Variants in RFX2 observed in about 807,000 individuals in gnomAD.
RFX2 encodes the protein regulatory factor X2, also known as DNA-binding protein RFX2.
A neutral mutation model predicts 87.8 loss-of-function variants in RFX2; 20 were observed. The ratio of observed to expected loss-of-function variants is 0.23; its 90% CI spans 0.16 to 0.33. The LOEUF is 0.33. Ranked by LOEUF, RFX2 falls within the 10% of genes least tolerant of loss-of-function variation. RFX2 has a pLI of 1.00. For missense variants in RFX2, 767 were observed against 1,012.3 expected, an observed-to-expected ratio of 0.76 and a Z score of 3.29; for synonymous variants, 397 against 431.3, an observed-to-expected ratio of 0.92 and a Z score of 0.98.
At chr19:6,096,811 A>T (rs931565309) in intron 1 of RFX2, among the ~76,000 whole-genome samples, 1 of 151,646 alleles carries the variant, frequency 6.6e-6, no homozygotes, top group African/African-American at 2.4e-5. Context: ...AATTCAACGC[A>T]CTCCTGGTAT....
At chr19:6,006,544 G>C (rs2086584561) in intron 12 of RFX2, among the ~76,000 whole-genome samples, 1 of 150,742 alleles carries the variant, frequency 6.6e-6, no homozygotes, top group Non-Finnish European at 1.5e-5. Context: ...CTTCCTCCTG[G>C]GTTAAAGCTA....
chr19:6,089,525 A>G (rs1195161490), intron 1 of RFX2, among the ~76,000 whole-genome samples: 4 of 152,086 alleles, frequency 2.6e-5, no homozygotes, highest in African/African-American at 9.7e-5. Context: ...GGCCTTTGGG[A>G]GATGATTAGG....
chr19:6,019,544 G>GTGTGTATA (rs386388444), intron 6 of RFX2, among the ~76,000 whole-genome samples: 105 of 143,172 alleles, frequency 7.3e-4, no homozygotes, highest in African/African-American at 2.8e-3. Flanking sequence ...GTGTGTGTGT[G>GTGTGTATA]TATATACTTT....
chr19:6,069,896 G>C (rs543895519), intron 1 of RFX2, among the ~76,000 whole-genome samples: 76 of 152,234 alleles, frequency 5.0e-4, no homozygotes, highest in African/African-American at 1.8e-3. Context: ...GCGGGTTTCT[G>C]AAAATGAAAG....
chr19:6,073,673 T>A, intron 1 of RFX2: 2 of 247,108 alleles, frequency 8.1e-6, no homozygotes, highest in Non-Finnish European at 1.6e-5. Flanking sequence ...GAAGGCTGAA[T>A]GGATGAAAGC....
At position 5,998,781 on chromosome 19, in the gene RFX2, T is replaced by C. The variant is rs2086452225; in HGVS notation, c.1860-1568A>G. Among the ~76,000 whole-genome samples the C allele has an allele frequency of 6.6e-6, 1 of 152,174 alleles. No individual in the cohort carries two copies. Among genetic ancestry groups the C allele is most frequent in the Non-Finnish European group, 1.5e-5 (1 of 68,020 alleles). On this transcript the variant is annotated intron_variant, in intron 15 of 17. Coordinates refer to ENST00000303657, the MANE Select transcript of RFX2 (RefSeq NM_000635.4). The surrounding 1 kb of genome is among the most constrained non-coding windows in gnomAD (Gnocchi z 4.2). ...ACCCCGGTATCTCTGGGTTCCCAAA[T>C]GGGCTCGCAGCTCCCAGAGAGTAGG...
intron 3 of RFX2, 42 bp from the exon 4 acceptor site, chr19:6,042,165 C>G (rs560208974): frequency 1.3e-6 from 2 of 1,549,036 alleles, no homozygotes; most frequent in East Asian, 2.2e-5. Flanking sequence ...GTCACGCCCT[C>G]GTGAGTTGCC....
At chr19:6,008,969 C>T (rs1056059160) in intron 9 of RFX2, among the ~76,000 whole-genome samples, 5 of 152,140 alleles carry the variant, frequency 3.3e-5, no homozygotes, top group African/African-American at 1.2e-4. Flanking sequence ...CGTGAGCCAC[C>T]GTGCCCAGTA....
chr19:6,013,939 A>G lies in RFX2; in HGVS notation c.780-834T>C, dbSNP rs2086692106. ...GAGCTCCACATGGCTTATCTCCATTATTATTACCATTATTATTAACAACTC... is the reference window on the plus strand; with the variant it reads ...GAGCTCCACATGGCTTATCTCCATTGTTATTACCATTATTATTAACAACTC... On this transcript the variant is annotated intron_variant, in intron 7 of 17. Coordinates refer to ENST00000303657, the MANE Select transcript of RFX2 (RefSeq NM_000635.4). This position sits in a 1 kb window ranked among gnomAD's most constrained non-coding sequence, Gnocchi z 4.1. Among the ~76,000 whole-genome samples the G allele has an allele frequency of 6.6e-6, 1 of 152,160 alleles. No homozygotes were observed. The highest frequency in any genetic ancestry group is 2.4e-5 in the African/African-American group (1 of 41,422).
chr19:6,045,677 T>C lies in RFX2; in HGVS notation c.91-1395A>G, dbSNP rs1296442848. 1.3e-5 allele frequency among the ~76,000 whole-genome samples: 2 copies of C among 152,156 alleles called. No individual in the cohort carries two copies. The highest frequency in any genetic ancestry group is 1.3e-4 in the Admixed American group (2 of 15,278). ...AATTGTGTTTTTTTGTTTTTGTTTT[T>C]TTGTGTTTTTTGGGACGGATTTTTG... is the stretch of plus-strand genomic sequence containing the variant. On this transcript the variant is annotated intron_variant, in intron 2 of 17. Transcript: ENST00000303657. The surrounding 1 kb of genome is among the most constrained non-coding windows in gnomAD (Gnocchi z 5.2).
intron 3 of RFX2, among the ~76,000 whole-genome samples, chr19:6,043,854 C>T (rs1326725677): frequency 6.6e-6 from 1 of 152,246 alleles, no homozygotes; most frequent in African/African-American, 2.4e-5. Flanking sequence ...ATGGCACTCA[C>T]TAGCAGATGG....
intron 3 of RFX2, among the ~76,000 whole-genome samples, chr19:6,042,906 T>G (rs1568521581): frequency 6.6e-6 from 1 of 152,262 alleles, no homozygotes; most frequent in East Asian, 1.9e-4. Flanking sequence ...TCCACTGAAT[T>G]TTGGGGTGAG....
rs112168916 is a variant in RFX2, at chr19:6,074,621, C to A, written c.-8-27117G>T. ...GGCTGACCCCTCAGGGAGAGACAGA[C>A]GACACCATGGACACAGAACAGCAGG... On this transcript the variant is annotated intron_variant, in intron 1 of 17. Transcript: ENST00000303657. The surrounding 1 kb of genome is among the most constrained non-coding windows in gnomAD (Gnocchi z 5.2). Among the ~76,000 whole-genome samples the A allele has an allele frequency of 1.3e-5, 2 of 152,198 alleles. No homozygotes were observed. Among genetic ancestry groups the A allele is most frequent in the Non-Finnish European group, 2.9e-5 (2 of 68,036 alleles).
rs144159968 is a variant in RFX2, at chr19:6,069,384, C to T, written c.-8-21880G>A. 8.8e-4 allele frequency among the ~76,000 whole-genome samples: 133 copies of T among 151,668 alleles called. 1 individual carries two copies. The highest frequency in any genetic ancestry group is 3.1e-3 in the African/African-American group (126 of 41,286). On this transcript the variant is annotated intron_variant, in intron 1 of 17. Coordinates refer to ENST00000303657, the MANE Select transcript of RFX2 (RefSeq NM_000635.4). ...GTGTATAGAGAACATGGGATGGGGC[C>T]ATCAGTGTATAGATGACATGGCTGG...
chr19:6,000,011 T>A (rs1456607803), intron 15 of RFX2, among the ~76,000 whole-genome samples: 1 of 150,304 alleles, frequency 6.7e-6, no homozygotes, highest in Non-Finnish European at 1.5e-5. Flanking sequence ...TGAGATGGAG[T>A]TTGGCTCCTG....
rs1309952252 is a variant in RFX2 at position 6,040,495 on chromosome 19, C to T, written c.261-254G>A. Among the ~76,000 whole-genome samples, 1 of 152,222 alleles carries T rather than the reference C, an allele frequency of 6.6e-6. No individual in the cohort carries two copies. Among genetic ancestry groups the T allele is most frequent in the Non-Finnish European group, 1.5e-5 (1 of 68,048 alleles). ...AAATTCTAGGCCAGGCGTGGTGGCT[C>T]ACGCCTGTAATCCCAGCACTTTGGG... On this transcript the variant is annotated intron_variant, in intron 4 of 17. Transcript: ENST00000303657. The surrounding 1 kb of genome is among the most constrained non-coding windows in gnomAD (Gnocchi z 6.1).
Position 6,004,343 on chromosome 19 carries a change from C to CT in RFX2, c.1403-46dup, listed in dbSNP as rs772921887. 5 of 1,482,650 alleles carry CT rather than the reference C, an allele frequency of 3.4e-6. No individual in the cohort carries two copies. In the African/African-American group the frequency reaches 6.9e-5, roughly 21 times the overall value. The allele number at this position is 1,482,650 out of a possible 1,614,324, so 91.8% of individuals were successfully genotyped here. On this transcript the variant is annotated intron_variant, in intron 12 of 17. Transcript: ENST00000303657. The surrounding 1 kb of genome is among the most constrained non-coding windows in gnomAD (Gnocchi z 4.8). Reference sequence around the variant, plus strand: ...ATATTACCAGGGAGAAAGGCAGTGACTGGACCCTGGAAATCAGCATTCAGT... The same window carrying CT: ...ATATTACCAGGGAGAAAGGCAGTGACTTGGACCCTGGAAATCAGCATTCAGT...
rs959088076 is a variant in RFX2, at chr19:6,004,870, G to A, written c.1403-572C>T. Among the ~76,000 whole-genome samples the A allele has an allele frequency of 8.6e-5, 13 of 151,950 alleles. No individual in the cohort carries two copies. Among genetic ancestry groups the A allele is most frequent in the African/African-American group, 3.1e-4 (13 of 41,364 alleles). Reference sequence around the variant, plus strand: ...GTGGTGGCTGACGCCTGTAGTCCCAGCACTTTGGGAGGCCGAGGTGGGCGG... The same window carrying A: ...GTGGTGGCTGACGCCTGTAGTCCCAACACTTTGGGAGGCCGAGGTGGGCGG... On this transcript the variant is annotated intron_variant, in intron 12 of 17. Transcript: ENST00000303657. The surrounding 1 kb of genome is among the most constrained non-coding windows in gnomAD (Gnocchi z 4.8).
At chr19:6,070,094 G>GGGA in intron 1 of RFX2, among the ~76,000 whole-genome samples, 1 of 41,926 alleles carries the variant, frequency 2.4e-5, no homozygotes, top group African/African-American at 8.3e-5. Flanking sequence ...GGGATGGGAT[G>GGGA]TGGATGGGAT....
Sources: gnomAD v4.1 joint callset for allele counts (sites outside exome capture counted in the v4.1 genomes callset) on GRCh38, gnomAD v4.1.1 for gene constraint, Gnocchi (gnomAD v3.1) non-coding constraint, MANE v1.5 for transcripts, NCBI Gene and HGNC (gene_info 2026-07-23, HGNC 2026-07-21) for gene names.